ADAMTS9: variants seen among roughly 807,000 people sequenced by gnomAD.
ADAMTS9 encodes ADAM metallopeptidase with thrombospondin type 1 motif 9, also known as A disintegrin and metalloproteinase with thrombospondin motifs 9.
ADAMTS9 carries 107 observed loss-of-function variants against 257.1 expected under a neutral mutation model. That is an observed-to-expected ratio of 0.42 (90% CI 0.36 to 0.49). The LOEUF (loss-of-function observed/expected upper bound fraction) is 0.49. ADAMTS9 is among the 20% of genes least tolerant of loss of function. The probability of loss-of-function intolerance (pLI) is 0.03; values close to 1 mark genes in which losing one functional copy is unlikely to be tolerated. For synonymous variants in ADAMTS9, 982 were observed against 880.9 expected (o/e 1.11, Z -2.03); for missense variants, 2,353 against 2,469.1 (o/e 0.95, Z 1.00).
rs369157052 is a variant in ADAMTS9 at position 64,622,593 on chromosome 3, G to A, written c.2390-7C>T. ...CCTTTACTGCTTGATAAAGCTGTAG[G>A]TGAAGAAACAGAATAATACATTGAT... On this transcript the variant is annotated splice_polypyrimidine_tract_variant and splice_region_variant and intron_variant, in intron 16 of 39. Coordinates refer to ENST00000498707, the MANE Select transcript of ADAMTS9 (RefSeq NM_182920.2). The A allele has an allele frequency of 2.1e-5, 34 of 1,613,442 alleles. No individual in the cohort carries two copies. The highest frequency in any genetic ancestry group is 1.7e-4 in the Middle Eastern group (1 of 6,056).
At position 64,516,755 on chromosome 3, in the gene ADAMTS9, A is replaced by C. The variant is rs2082780269; in HGVS notation, c.*372T>G. On this transcript the variant is annotated 3_prime_UTR_variant, in exon 40 of 40. Transcript: ENST00000498707. ...ATTCATTTTAAAAAAGTAACAATAA[A>C]ACATTTACAGATGAAAAGTAAACAA... is the stretch of plus-strand genomic sequence containing the variant. The C allele has an allele frequency of 6.6e-6, 1 of 152,658 alleles. No homozygotes were observed. The highest frequency in any genetic ancestry group is 1.5e-5 in the Non-Finnish European group (1 of 68,042). The allele number at this position is 152,658 out of a possible 1,614,324, so 9.5% of individuals were successfully genotyped here.
chr3:64,619,908 T>G (rs547517128), intron 19 of ADAMTS9, among the ~76,000 whole-genome samples: 3 of 152,302 alleles, frequency 2.0e-5, no homozygotes, highest in Admixed American at 2.0e-4. Context: ...CTGAAGAGAC[T>G]TGAACTTTAA....
chr3:64,631,394 C>A (rs6445420), intron 16 of ADAMTS9, 61 bp downstream of exon 16: 1 of 1,278,174 alleles, frequency 7.8e-7, no homozygotes, highest in Admixed American at 1.7e-5. Context: ...AGGAAGGAAG[C>A]AGTATCTGGC....
intron 29 of ADAMTS9, among the ~76,000 whole-genome samples, chr3:64,568,053 T>C (rs1274807051): frequency 6.6e-6 from 1 of 152,200 alleles, no homozygotes; most frequent in Non-Finnish European, 1.5e-5. Context: ...AGTAGTTTTC[T>C]ATGTGGTGAT....
chr3:64,557,407 T>C (rs1951995590), intron 30 of ADAMTS9, among the ~76,000 whole-genome samples: 1 of 152,190 alleles, frequency 6.6e-6, no homozygotes, highest in Admixed American at 6.5e-5. Context: ...GTGATAATAA[T>C]TCTCAAAAGA....
At chr3:64,555,386 TTCAA>T (rs71878746) in intron 30 of ADAMTS9, among the ~76,000 whole-genome samples, 11,387 of 150,884 alleles carry the variant, frequency 0.075, 999 homozygotes, top group African/African-American at 0.2. Context: ...CATTCATTCA[TTCAA>T]TCAATCAGTA....
Position 64,539,236 on chromosome 3 carries a change from G to A in ADAMTS9, c.5580C>T (p.Ala1860=), listed in dbSNP as rs546873377. 44 of 1,614,050 alleles carry A rather than the reference G, an allele frequency of 2.7e-5. 1 individual carries two copies. Among genetic ancestry groups the A allele is most frequent in the South Asian group, 1.6e-4 (15 of 91,074 alleles). ...SEGHPVPFAT[A]GDCYSAAKCP... ...ACTTGGCAGCGCTGTAGCAATCCCCGGCTGTGGCAAAAGGGACGGGATGTC... is the reference window on the plus strand; with the variant it reads ...ACTTGGCAGCGCTGTAGCAATCCCCAGCTGTGGCAAAAGGGACGGGATGTC... The change falls in exon 37 of 40, where the codon GCC becomes GCT. Residue 1860 remains alanine, a synonymous_variant. Transcript: ENST00000498707.
In ADAMTS9 at chr3:64,655,799, T is replaced by C. The variant is rs751056723; in HGVS notation, c.1046A>G (p.Asn349Ser). ...IVIVNLIVIH[N>S]EQDGPSISFN... ...AGAAAAAAACTTTATTACCTGTTCA[T>C]TATGAATCACAATTAAGTTCACAAT... is the stretch of plus-strand genomic sequence containing the variant. Residue 349 changes from asparagine to serine, a missense_variant, in exon 5 of 40, where the codon AAT (asparagine) becomes AGT (serine). This residue lies in a region of ADAMTS9 where 591 missense variants were observed against 569.6 expected (regional missense o/e 1.04). Transcript: ENST00000498707. The C allele has an allele frequency of 2.5e-6, 4 of 1,571,598 alleles. No homozygotes were observed. The Admixed American group carries it at 7.9e-5, about 31-fold the overall frequency.
rs573440336 is a variant in ADAMTS9 at position 64,651,238 on chromosome 3, G to C, written c.1317-75C>G. On this transcript the variant is annotated intron_variant, in intron 8 of 39. Coordinates refer to ENST00000498707, the MANE Select transcript of ADAMTS9 (RefSeq NM_182920.2). ...ATGCTGTTCTAATTGCTTCAGGAAT[G>C]CAACTATCTAAGAGAAAAAAATTTA... 459 of 1,352,192 alleles carry C rather than the reference G, an allele frequency of 3.4e-4. 9 individuals carry two copies. In the East Asian group the frequency reaches 0.012, roughly 36 times the overall value. The allele number at this position is 1,352,192 out of a possible 1,614,324, so 83.8% of individuals were successfully genotyped here. A position where few individuals can be genotyped will look rare whatever the true frequency, so the allele number is the denominator to read the frequency against.
intron 30 of ADAMTS9, among the ~76,000 whole-genome samples, chr3:64,558,430 A>T (rs2083370197): frequency 6.6e-6 from 1 of 152,164 alleles, no homozygotes; most frequent in Non-Finnish European, 1.5e-5. Flanking sequence ...CTTAGTAAAC[A>T]ATAAGCTTTA....
In ADAMTS9 at chr3:64,585,609, C is replaced by A. The variant is rs141520865; in HGVS notation, c.4356+8649G>T. ...CATAATTCACTTGTAAGTGCTACAG[C>A]ATCTTACCTTCTGCAAGGAACCTCA... On this transcript the variant is annotated intron_variant, in intron 28 of 39. Transcript: ENST00000498707. Among the ~76,000 whole-genome samples the A allele has an allele frequency of 6.6e-5, 10 of 152,288 alleles. No individual in the cohort carries two copies. The East Asian group carries it at 1.9e-3, about 29-fold the overall frequency.
intron 29 of ADAMTS9, 48 bp from the exon 30 acceptor site, chr3:64,561,799 T>TGGGG: frequency 7.1e-6 from 4 of 559,874 alleles, no homozygotes; most frequent in Non-Finnish European, 8.3e-6. Flanking sequence ...ATTTATTTTT[T>TGGGG]GGGGGGGCGG....
intron 25 of ADAMTS9, among the ~76,000 whole-genome samples, chr3:64,603,444 G>A (rs2084501822): frequency 6.6e-6 from 1 of 152,124 alleles, no homozygotes; most frequent in South Asian, 2.1e-4. Context: ...ATAGTGCTTG[G>A]TGTACAGCAG....
chr3:64,568,689 T>C, intron 28 of ADAMTS9, 154 bp from the exon 29 acceptor site: 3 of 839,286 alleles, frequency 3.6e-6, no homozygotes, highest in Admixed American at 3.1e-5. Flanking sequence ...CAAGGCTTAA[T>C]AGGGAAGGAA....
At chr3:64,530,980 G>T (rs1179728084) in intron 38 of ADAMTS9, among the ~76,000 whole-genome samples, 4 of 152,164 alleles carry the variant, frequency 2.6e-5, no homozygotes, top group African/African-American at 9.7e-5. Context: ...AATGGGGAAA[G>T]AACATTATAA....
At position 64,658,766 on chromosome 3, in the gene ADAMTS9, G is replaced by C; in HGVS notation, c.705C>G (p.Asp235Glu). ...TSEHKNRHSKDKKKTRARKWG... is the reference protein window; with the variant it reads ...TSEHKNRHSKEKKKTRARKWG... Reference sequence around the variant, plus strand: ...ATTTTCTTGCTCTGGTTTTCTTCTTGTCTTTACTGTGCCTATTTTTGTGTT... The same window carrying C: ...ATTTTCTTGCTCTGGTTTTCTTCTTCTCTTTACTGTGCCTATTTTTGTGTT... The change falls in exon 4 of 40, where the codon GAC (aspartate) becomes GAG (glutamate). Residue 235 changes from aspartate to glutamate, a missense_variant. Coordinates refer to ENST00000498707, the MANE Select transcript of ADAMTS9 (RefSeq NM_182920.2). The C allele has an allele frequency of 1.2e-6, 2 of 1,613,792 alleles. No homozygotes were observed. The highest frequency in any genetic ancestry group is 1.7e-6 in the Non-Finnish European group (2 of 1,179,898).
At chr3:64,569,678 T>G (rs1207100989) in intron 28 of ADAMTS9, among the ~76,000 whole-genome samples, 1 of 152,230 alleles carries the variant, frequency 6.6e-6, no homozygotes, top group African/African-American at 2.4e-5. Flanking sequence ...GTTTTTCTAG[T>G]AAACACAAAC....
At chr3:64,532,146 G>C (rs946575291) in intron 38 of ADAMTS9, among the ~76,000 whole-genome samples, 2 of 152,088 alleles carry the variant, frequency 1.3e-5, no homozygotes, top group African/African-American at 2.4e-5. Context: ...GTACACAGTC[G>C]ACACGCTCCT....
intron 39 of ADAMTS9, chr3:64,521,617 T>A (rs1217833022): frequency 6.6e-6 from 1 of 152,320 alleles, no homozygotes; most frequent in Non-Finnish European, 1.5e-5. Context: ...CCATAAAAAA[T>A]AATGAAATCA....
Sources: allele counts gnomAD v4.1 joint callset (sites outside exome capture counted in the v4.1 genomes callset), GRCh38; gene constraint gnomAD v4.1.1; regional missense constraint gnomAD v4.1.1; transcripts MANE v1.5; gene names NCBI Gene and HGNC (gene_info 2026-07-23, HGNC 2026-07-21).